Variants in DGKI observed in about 807,000 individuals in gnomAD.
DGKI encodes the protein DAG kinase iota.
A neutral mutation model predicts 147.5 loss-of-function variants in DGKI; 55 were observed. The ratio of observed to expected loss-of-function variants is 0.37; its 90% CI spans 0.30 to 0.47. DGKI has a LOEUF of 0.47. DGKI is among the 20% of genes least tolerant of loss of function. The pLI is 1.00. For synonymous variants in DGKI, 469 were observed against 477.1 expected, an observed-to-expected ratio of 0.98 and a Z score of 0.22; for missense variants, 1,007 against 1,323.8, an observed-to-expected ratio of 0.76 and a Z score of 3.71.
At chr7:137,728,022 GAAAC>G (rs1794761310) in intron 1 of DGKI, among the ~76,000 whole-genome samples, 1 of 152,050 alleles carries the variant, frequency 6.6e-6, no homozygotes, top group African/African-American at 2.4e-5. Flanking sequence ...TTTGGAGTGA[GAAAC>G]AAAGAAAAAA....
At chr7:137,618,494 C>T (rs1315559474) in intron 8 of DGKI, among the ~76,000 whole-genome samples, 1 of 151,792 alleles carries the variant, frequency 6.6e-6, no homozygotes, top group East Asian at 1.9e-4. Context: ...TAACAAGACT[C>T]TTAAGAGTAA....
chr7:137,710,471 A>C (rs1344440176), intron 1 of DGKI, among the ~76,000 whole-genome samples: 2 of 152,130 alleles, frequency 1.3e-5, no homozygotes, highest in Non-Finnish European at 2.9e-5. Context: ...CAGACCAAAA[A>C]ATACATAGAA....
At chr7:137,574,262 A>G (rs1194651954) in intron 17 of DGKI, among the ~76,000 whole-genome samples, 1 of 152,220 alleles carries the variant, frequency 6.6e-6, no homozygotes, top group Non-Finnish European at 1.5e-5. Context: ...TAACTTAGTA[A>G]TAAAATTCTA....
chr7:137,747,720 G>A (rs1795383145), intron 1 of DGKI, among the ~76,000 whole-genome samples: 1 of 151,982 alleles, frequency 6.6e-6, no homozygotes, highest in African/African-American at 2.4e-5. Context: ...CCTTCTACTG[G>A]TAACACCATC....
intron 2 of DGKI, among the ~76,000 whole-genome samples, chr7:137,684,011 T>C (rs931313449): frequency 5.9e-5 from 9 of 152,190 alleles, no homozygotes; most frequent in African/African-American, 2.2e-4. Flanking sequence ...AAGAAGCAAA[T>C]ACTCCACACA....
At position 137,469,578 on chromosome 7, in the gene DGKI, C is replaced by A; in HGVS notation, c.2415G>T (p.Arg805Ser). ...CTAGGAAGCACCACCGAGGAGAGAG[C>A]CTCTGTGCTGAGAGAGCCCTGGGGA... ...TSFPRALSAQ[R>S]LSPRWCFLDA... Residue 805 changes from arginine to serine, a missense_variant, in exon 24 of 33, where the codon AGG becomes AGT. By Grantham distance (110) the Arg-to-Ser change is moderately radical (BLOSUM62 -1). Around this residue, in one of 5 missense-constraint regions of DGKI, gnomAD observed 385 missense variants for 445.2 expected, o/e 0.86. Transcript: ENST00000614521. 6.2e-7 allele frequency: 1 copy of A among 1,614,032 alleles called. No individual in the cohort carries two copies. The highest frequency in any genetic ancestry group is 8.5e-7 in the Non-Finnish European group (1 of 1,179,958).
At chr7:137,568,783 T>A (rs899444708) in intron 19 of DGKI, among the ~76,000 whole-genome samples, 1 of 152,114 alleles carries the variant, frequency 6.6e-6, no homozygotes, top group African/African-American at 2.4e-5. Flanking sequence ...GCACTATTTG[T>A]GAAAGAGCCC....
In DGKI at chr7:137,843,295, C is replaced by T. The variant is rs571994118; in HGVS notation, c.401+3167G>A. 7.9e-6 allele frequency: 3 copies of T among 377,742 alleles called. No individual in the cohort carries two copies. In the South Asian group the frequency reaches 3.3e-4, roughly 41 times the overall value. The allele number at this position is 377,742 out of a possible 1,614,324, so 23.4% of individuals were successfully genotyped here. On this transcript the variant is annotated intron_variant, in intron 1 of 32. Transcript: ENST00000614521. ...CAGCAGTTTAAAAAAAAAAACAGTT[C>T]CTACACAGTATATAGTCATTTACAC...
chr7:137,497,288 A>T (rs1816003236), intron 21 of DGKI, among the ~76,000 whole-genome samples: 1 of 152,174 alleles, frequency 6.6e-6, no homozygotes, highest in African/African-American at 2.4e-5. Flanking sequence ...AAGTCAAAAC[A>T]TGACAGATGC....
At chr7:137,537,843 G>A (rs1817570031) in intron 20 of DGKI, among the ~76,000 whole-genome samples, 1 of 152,138 alleles carries the variant, frequency 6.6e-6, no homozygotes, top group South Asian at 2.1e-4. Flanking sequence ...AGGCATGCAT[G>A]TAAATTTCCA....
chr7:137,825,640 A>G (rs1215137579), intron 1 of DGKI, among the ~76,000 whole-genome samples: 1 of 152,004 alleles, frequency 6.6e-6, no homozygotes. Context: ...TCACACACAC[A>G]CATTCACACG....
intron 28 of DGKI, among the ~76,000 whole-genome samples, chr7:137,441,420 C>CAAAAAA (rs538892825): frequency 3.0e-5 from 2 of 67,542 alleles, no homozygotes; most frequent in African/African-American, 5.1e-5. Context: ...GACTCCGTCT[C>CAAAAAA]AAAAAAAAAA....
chr7:137,391,263 T>C lies in DGKI; in HGVS notation c.3131A>G (p.Asn1044Ser), dbSNP rs1811352657. ...DLAAYLESRQ[N>S]YKVIGHEDLE... ...GTCCTCATGGCCAATGACCTTATAG[T>C]TCTGACGGCTTTCTAGGTAAGCAGC... Residue 1044 changes from asparagine to serine, a missense_variant, in exon 33 of 33, where the codon AAC becomes AGC. This residue lies in a region of DGKI where 385 missense variants were observed against 445.2 expected (regional missense o/e 0.86). Coordinates refer to ENST00000614521, the MANE Select transcript of DGKI (RefSeq NM_001321708.2). 1 of 1,613,874 alleles carries C rather than the reference T, an allele frequency of 6.2e-7. No homozygotes were observed. Among genetic ancestry groups the C allele is most frequent in the South Asian group, 1.1e-5 (1 of 91,076 alleles).
At chr7:137,395,573 T>G in intron 32 of DGKI, 25 bp downstream of exon 32, 1 of 1,605,154 alleles carries the variant, frequency 6.2e-7, no homozygotes, top group Non-Finnish European at 8.5e-7. Context: ...AGCGGGAGGA[T>G]GTTTGCACTC....
intron 28 of DGKI, among the ~76,000 whole-genome samples, chr7:137,420,828 G>C (rs565877027): frequency 6.6e-6 from 1 of 152,214 alleles, no homozygotes; most frequent in African/African-American, 2.4e-5. Context: ...AGATCAGCCT[G>C]GCCAACGTGG....
chr7:137,516,271 A>T (rs1585189217), intron 21 of DGKI, among the ~76,000 whole-genome samples: 1 of 152,198 alleles, frequency 6.6e-6, no homozygotes. Context: ...CTGATGAAAA[A>T]TTTTTTAATC....
At chr7:137,692,885 GA>G (rs1823661198) in intron 1 of DGKI, among the ~76,000 whole-genome samples, 1 of 152,096 alleles carries the variant, frequency 6.6e-6, no homozygotes, top group South Asian at 2.1e-4. Flanking sequence ...TAAAAAACAT[GA>G]AAGTGGCTGC....
rs957708718 is a variant in DGKI, at chr7:137,782,893, T to G, written c.401+63569A>C. On this transcript the variant is annotated intron_variant, in intron 1 of 32. Transcript: ENST00000614521. ...GTGGCTAGCAAAACAATCACTATAG[T>G]TCGGCTCTCAGGAAGTCCCATTCCT... Among the ~76,000 whole-genome samples, 3 of 152,290 alleles carry G rather than the reference T, an allele frequency of 2.0e-5. No homozygotes were observed. In the South Asian group the frequency reaches 6.2e-4, roughly 32 times the overall value.
chr7:137,391,353 A>AG lies in DGKI; in HGVS notation c.3058-18dup. ...TGTCTTACCCTATACGAAAATAGTG[A>AG]GAAAAAAAAAAAGAGAGAGAGAGAT... On this transcript the variant is annotated splice_polypyrimidine_tract_variant and intron_variant, in intron 32 of 32. Coordinates refer to ENST00000614521, the MANE Select transcript of DGKI (RefSeq NM_001321708.2). 1 of 1,456,210 alleles carries AG rather than the reference A, an allele frequency of 6.9e-7. No individual in the cohort carries two copies. The highest frequency in any genetic ancestry group is 1.3e-5 in the South Asian group (1 of 77,532). 90.2% of individuals were successfully genotyped at this position (1,456,210 alleles called of 1,614,324 possible). A position where few individuals can be genotyped will look rare whatever the true frequency, so the allele number is the denominator to read the frequency against.
Sources: allele counts gnomAD v4.1 joint callset (sites outside exome capture counted in the v4.1 genomes callset), GRCh38; gene constraint gnomAD v4.1.1; regional missense constraint gnomAD v4.1.1; transcripts MANE v1.5; gene names NCBI Gene and HGNC (gene_info 2026-07-23, HGNC 2026-07-21).